PAK5: variants seen among roughly 807,000 people sequenced by gnomAD.
The protein encoded by PAK5 is serine/threonine-protein kinase PAK 5.
In PAK5, 16 loss-of-function variants were observed where a neutral mutation model predicts 65.9. The ratio of observed to expected loss-of-function variants is 0.24; its 90% confidence interval spans 0.16 to 0.37. The LOEUF (loss-of-function observed/expected upper bound fraction) is 0.37, where lower values mean the gene tolerates loss of function less well. Among genes scored for constraint, PAK5 ranks in the 10% least tolerant of loss-of-function variants. The pLI is 1.00. For missense variants in PAK5, 785 were observed against 903.9 expected, an observed-to-expected ratio of 0.87 and a Z score of 1.69; for synonymous variants, 371 against 354.9, an observed-to-expected ratio of 1.05 and a Z score of -0.51.
chr20:9,725,781 A>T (rs2048269895), intron 1 of PAK5, among the ~76,000 whole-genome samples: 1 of 152,170 alleles, frequency 6.6e-6, no homozygotes, highest in East Asian at 1.9e-4. Flanking sequence ...AAGAGTATTA[A>T]AACTAGTCAT....
intron 7 of PAK5, among the ~76,000 whole-genome samples, chr20:9,548,186 A>G (rs976888384): frequency 3.9e-5 from 6 of 152,110 alleles, no homozygotes; most frequent in African/African-American, 1.4e-4. Flanking sequence ...AATGTAGAAT[A>G]TCCAGGGCTA....
intron 1 of PAK5, among the ~76,000 whole-genome samples, chr20:9,778,018 A>G (rs946857960): frequency 1.6e-4 from 24 of 152,286 alleles, no homozygotes; most frequent in African/African-American, 5.5e-4. Context: ...TTATAAGTAG[A>G]ATACAGTTCC....
At chr20:9,549,610 G>C (rs1325781768) in intron 7 of PAK5, among the ~76,000 whole-genome samples, 2 of 152,080 alleles carry the variant, frequency 1.3e-5, no homozygotes, top group African/African-American at 4.8e-5. Context: ...CCGTGTGAAA[G>C]GAAAATAAAA....
intron 1 of PAK5, among the ~76,000 whole-genome samples, chr20:9,795,890 A>G (rs911501851): frequency 2.0e-5 from 3 of 152,124 alleles, no homozygotes; most frequent in Non-Finnish European, 2.9e-5. Flanking sequence ...ATTATTCTAT[A>G]TGAGGTTTAG....
intron 1 of PAK5, among the ~76,000 whole-genome samples, chr20:9,719,495 G>A (rs6086997): frequency 6.6e-6 from 1 of 152,072 alleles, no homozygotes; most frequent in Non-Finnish European, 1.5e-5. Context: ...TGAGTTTCTA[G>A]GACTGTGAAC....
At chr20:9,589,219 T>A (rs1431354435) in intron 3 of PAK5, among the ~76,000 whole-genome samples, 1 of 152,230 alleles carries the variant, frequency 6.6e-6, no homozygotes, top group African/African-American at 2.4e-5. Flanking sequence ...TCAGAACTTA[T>A]GTACTTTTAA....
intron 1 of PAK5, among the ~76,000 whole-genome samples, chr20:9,756,259 G>A (rs1222159979): frequency 6.6e-6 from 1 of 152,150 alleles, no homozygotes; most frequent in East Asian, 1.9e-4. Flanking sequence ...TATGTCTTGA[G>A]AAATCAGAGG....
chr20:9,629,478 T>TC (rs149296488), intron 3 of PAK5, among the ~76,000 whole-genome samples: 30,091 of 149,224 alleles, frequency 0.2, 3,924 homozygotes, highest in East Asian at 0.53. Context: ...TTCCTCCTCC[T>TC]TTTTTTTTTT....
intron 1 of PAK5, among the ~76,000 whole-genome samples, chr20:9,759,953 T>C (rs953422521): frequency 2.0e-5 from 3 of 151,530 alleles, no homozygotes; most frequent in African/African-American, 7.2e-5. Context: ...TAGGAAAGAA[T>C]ACAGCTTTGA....
intron 2 of PAK5, among the ~76,000 whole-genome samples, chr20:9,707,825 C>T (rs895775878): frequency 6.6e-6 from 1 of 152,074 alleles, no homozygotes; most frequent in African/African-American, 2.4e-5. Flanking sequence ...ACTATTCAGC[C>T]CCAGCCAACC....
chr20:9,592,413 A>C (rs1165204583), intron 3 of PAK5, among the ~76,000 whole-genome samples: 2 of 152,196 alleles, frequency 1.3e-5, no homozygotes, highest in Non-Finnish European at 2.9e-5. Context: ...AGTTACCCCT[A>C]GGGGAAAGGT....
chr20:9,767,023 G>A (rs1469703800), intron 1 of PAK5, among the ~76,000 whole-genome samples: 1 of 151,962 alleles, frequency 6.6e-6, no homozygotes, highest in Non-Finnish European at 1.5e-5. Context: ...TGGCCCCCAC[G>A]TTCGGCCAAA....
intron 1 of PAK5, among the ~76,000 whole-genome samples, chr20:9,751,619 G>A (rs1338920289): frequency 2.0e-5 from 3 of 152,106 alleles, no homozygotes; most frequent in Non-Finnish European, 2.9e-5. Flanking sequence ...GTTTGCTTAC[G>A]TTGTATCAAG....
chr20:9,829,958 C>A (rs1488992884), intron 1 of PAK5, among the ~76,000 whole-genome samples: 5 of 152,166 alleles, frequency 3.3e-5, no homozygotes, highest in Non-Finnish European at 7.3e-5. Flanking sequence ...GTCCACAAGT[C>A]CAAGCTCCAT....
intron 1 of PAK5, among the ~76,000 whole-genome samples, chr20:9,729,927 G>C (rs969913307): frequency 6.7e-6 from 1 of 148,330 alleles, no homozygotes; most frequent in Non-Finnish European, 1.5e-5. Context: ...TGGGAGGATT[G>C]CTTGAACCTG....
chr20:9,714,204 C>A (rs370270639), intron 1 of PAK5, among the ~76,000 whole-genome samples: 1 of 152,094 alleles, frequency 6.6e-6, no homozygotes, highest in Non-Finnish European at 1.5e-5. Context: ...TTAATTATTG[C>A]TCCTCCAATT....
intron 4 of PAK5, among the ~76,000 whole-genome samples, chr20:9,573,335 GT>G (rs1479168110): frequency 3.9e-5 from 6 of 152,116 alleles, no homozygotes; most frequent in African/African-American, 1.4e-4. Flanking sequence ...TAAAGATAGG[GT>G]CAGACACAGG....
rs917900226 is a variant in PAK5, at chr20:9,617,803, C to T, written c.204+26322G>A. ...ATCTCCTGACCTCGTGATCCACCCG[C>T]CTCGGCCTCCCAAAGTGCTAGGATT... On this transcript the variant is annotated intron_variant, in intron 3 of 9. Coordinates refer to ENST00000353224, the MANE Select transcript of PAK5 (RefSeq NM_177990.4). Among the ~76,000 whole-genome samples, 53 of 152,060 alleles carry T rather than the reference C, an allele frequency of 3.5e-4. 1 individual carries two copies. Among genetic ancestry groups the T allele is most frequent in the Non-Finnish European group, 7.4e-5 (5 of 68,002 alleles).
chr20:9,630,969 C>T (rs1356422045), intron 3 of PAK5, among the ~76,000 whole-genome samples: 1 of 152,150 alleles, frequency 6.6e-6, no homozygotes, highest in African/African-American at 2.4e-5. Context: ...TTCACAGGTC[C>T]ATGGATGGAA....
Sources: gnomAD v4.1 joint callset for allele counts (sites outside exome capture counted in the v4.1 genomes callset) on GRCh38, gnomAD v4.1.1 for gene constraint, MANE v1.5 for transcripts, NCBI Gene and HGNC (gene_info 2026-07-23, HGNC 2026-07-21) for gene names.